The following NKAIN3 variants were observed in gnomAD, a reference collection of about 807,000 sequenced individuals.
The protein encoded by NKAIN3 is sodium/potassium-transporting ATPase subunit beta-1-interacting protein 3.
Under a neutral mutation model 30.2 loss-of-function variants are expected in NKAIN3, and 25 were observed. The observed-to-expected ratio is 0.83, with a 90% CI of 0.60 to 1.16. The LOEUF (loss-of-function observed/expected upper bound fraction) is 1.16. Among genes scored for constraint, NKAIN3 ranks in the 50% most tolerant of loss-of-function variants. The pLI is 0.00. For synonymous variants in NKAIN3, 91 were observed against 89.6 expected (o/e 1.02, Z -0.09); for missense variants, 225 against 254.1 (o/e 0.89, Z 0.78).
chr8:62,591,340 C>A (rs13439654), intron 3 of NKAIN3, among the ~76,000 whole-genome samples: 40,099 of 151,654 alleles, frequency 0.26, 5,742 homozygotes, highest in Middle Eastern at 0.39. Flanking sequence ...GAGGCAAATC[C>A]TTTGGCTCCA....
At chr8:62,320,499 C>T (rs2129589356) in intron 1 of NKAIN3, among the ~76,000 whole-genome samples, 1 of 152,146 alleles carries the variant, frequency 6.6e-6, no homozygotes, top group East Asian at 1.9e-4. Flanking sequence ...TTTAGTGCTT[C>T]CTTCAGGAGC....
intron 4 of NKAIN3, among the ~76,000 whole-genome samples, chr8:62,832,600 T>C (rs1047431061): frequency 6.6e-6 from 1 of 151,494 alleles, no homozygotes; most frequent in Non-Finnish European, 1.5e-5. Flanking sequence ...AATAAAACAT[T>C]ATTACATAAT....
At position 62,416,246 on chromosome 8, in the gene NKAIN3, T is replaced by A. The variant is rs74404659; in HGVS notation, c.55-163293T>A. Among the ~76,000 whole-genome samples the A allele has an allele frequency of 2.6e-5, 4 of 152,274 alleles. No individual in the cohort carries two copies. The South Asian group carries it at 8.3e-4, about 32-fold the overall frequency. ...ACTCATTAAGGATTCAATAGCTGTA[T>A]TCAGTCAATATGTTTCTTCCTCTAA... On this transcript the variant is annotated intron_variant, in intron 1 of 6. Transcript: ENST00000623646.
intron 1 of NKAIN3, among the ~76,000 whole-genome samples, chr8:62,401,506 G>A (rs938172186): frequency 2.6e-5 from 4 of 152,028 alleles, no homozygotes; most frequent in South Asian, 2.1e-4. Context: ...TATCATTATC[G>A]AGGCATTGAA....
intron 1 of NKAIN3, among the ~76,000 whole-genome samples, chr8:62,410,369 C>T (rs912472247): frequency 3.9e-5 from 6 of 152,092 alleles, no homozygotes; most frequent in Non-Finnish European, 7.4e-5. Context: ...CTGATGGGCA[C>T]TTAGGTTGAT....
chr8:62,922,739 G>C (rs1304730905), intron 5 of NKAIN3, among the ~76,000 whole-genome samples: 1 of 149,514 alleles, frequency 6.7e-6, no homozygotes, highest in African/African-American at 2.6e-5. Context: ...TTCTCACAGT[G>C]CATATATTTT....
intron 5 of NKAIN3, among the ~76,000 whole-genome samples, chr8:62,998,295 G>T (rs1804172180): frequency 1.3e-5 from 2 of 151,736 alleles, no homozygotes. Flanking sequence ...CCACAGGGAG[G>T]GATGGAGTCT....
chr8:62,497,092 G>A (rs1319430136), intron 1 of NKAIN3, among the ~76,000 whole-genome samples: 1 of 152,014 alleles, frequency 6.6e-6, no homozygotes, highest in African/African-American at 2.4e-5. Context: ...TATTGAAAGA[G>A]TTGATAATCT....
intron 2 of NKAIN3, among the ~76,000 whole-genome samples, chr8:62,580,564 A>G (rs904906096): frequency 6.6e-6 from 1 of 152,180 alleles, no homozygotes; most frequent in African/African-American, 2.4e-5. Context: ...AAAACATGCC[A>G]TCTTTCCATT....
intron 4 of NKAIN3, among the ~76,000 whole-genome samples, chr8:62,860,398 G>T (rs181223808): frequency 4.6e-5 from 7 of 152,320 alleles, no homozygotes; most frequent in Admixed American, 4.6e-4. Flanking sequence ...CACTCAAGGG[G>T]CTGTTGAAAA....
At chr8:62,561,364 T>A (rs1419236511) in intron 1 of NKAIN3, among the ~76,000 whole-genome samples, 1 of 152,212 alleles carries the variant, frequency 6.6e-6, no homozygotes, top group East Asian at 1.9e-4. Flanking sequence ...GTCTACTACA[T>A]CTTCCTGCAG....
intron 3 of NKAIN3, among the ~76,000 whole-genome samples, chr8:62,631,147 C>T (rs1811946444): frequency 3.9e-5 from 6 of 152,130 alleles, no homozygotes; most frequent in Admixed American, 2.6e-4. Context: ...CTTACTAGAA[C>T]TTTCTGTAGG....
At chr8:62,481,203 C>A (rs1011158473) in intron 1 of NKAIN3, among the ~76,000 whole-genome samples, 14 of 152,092 alleles carry the variant, frequency 9.2e-5, no homozygotes, top group African/African-American at 3.1e-4. Context: ...TTCAAAGTAT[C>A]CTTTGCATCA....
intron 3 of NKAIN3, among the ~76,000 whole-genome samples, chr8:62,743,408 G>T (rs942704363): frequency 2.0e-5 from 3 of 152,188 alleles, no homozygotes; most frequent in African/African-American, 7.2e-5. Flanking sequence ...CCGTTGAAAG[G>T]GTCACAGTCC....
rs1585640324 is a variant in NKAIN3 at position 62,978,758 on chromosome 8, G to A, written c.*13351G>A. 6.5e-6 allele frequency: 1 copy of A among 152,910 alleles called. No homozygotes were observed. Among genetic ancestry groups the A allele is most frequent in the Non-Finnish European group, 1.5e-5 (1 of 68,304 alleles). 9.5% of individuals were successfully genotyped at this position (152,910 alleles called of 1,614,324 possible). A position where few individuals can be genotyped will look rare whatever the true frequency, so the allele number is the denominator to read the frequency against. ...CTCTCTGGCATTCCAGACAACTCTG[G>A]GGTACGAAAAAAACTCCTACAGCTA... On this transcript the variant is annotated 3_prime_UTR_variant, in exon 7 of 7. Transcript: ENST00000623646.
At chr8:62,461,568 A>G (rs1328160023) in intron 1 of NKAIN3, among the ~76,000 whole-genome samples, 2 of 152,230 alleles carry the variant, frequency 1.3e-5, no homozygotes, top group Non-Finnish European at 2.9e-5. Context: ...TAAAGAAAAT[A>G]TTGTCTGAAG....
chr8:62,842,935 G>C (rs535826724), intron 4 of NKAIN3, among the ~76,000 whole-genome samples: 1 of 152,100 alleles, frequency 6.6e-6, no homozygotes, highest in Non-Finnish European at 1.5e-5. Flanking sequence ...ACATTGGTTT[G>C]GACAAGGATT....
At chr8:62,598,865 G>A (rs1262700127) in intron 3 of NKAIN3, among the ~76,000 whole-genome samples, 1 of 152,034 alleles carries the variant, frequency 6.6e-6, no homozygotes, top group African/African-American at 2.4e-5. Context: ...ACAGGATCCA[G>A]CTGTTGTCCA....
intron 5 of NKAIN3, among the ~76,000 whole-genome samples, chr8:62,952,218 T>G (rs1823301597): frequency 6.6e-6 from 1 of 151,996 alleles, no homozygotes; most frequent in Non-Finnish European, 1.5e-5. Flanking sequence ...TTTGTGGAAA[T>G]AATACAATAC....
Sources: allele counts gnomAD v4.1 joint callset (sites outside exome capture counted in the v4.1 genomes callset), GRCh38; gene constraint gnomAD v4.1.1; transcripts MANE v1.5; gene names NCBI Gene and HGNC (gene_info 2026-07-23, HGNC 2026-07-21).